GNA11: variants seen among roughly 807,000 people sequenced by gnomAD.
GNA11 encodes the protein G protein subunit alpha 11, also known as guanine nucleotide-binding protein subunit alpha-11.
GNA11 carries 8 observed loss-of-function variants against 38.2 expected under a neutral mutation model. The ratio of observed to expected loss-of-function variants is 0.21; its 90% confidence interval spans 0.12 to 0.38. GNA11 has a LOEUF of 0.38. GNA11 is among the 10% of genes least tolerant of loss of function. The pLI is 1.00. For missense variants in GNA11, 268 were observed against 516.3 expected (o/e 0.52, Z 4.66); for synonymous variants, 211 against 221.4 (o/e 0.95, Z 0.42).
At position 3,094,899 on chromosome 19, in the gene GNA11, G is replaced by C; in HGVS notation, c.136+112G>C. On this transcript the variant is annotated intron_variant, in intron 1 of 6. Coordinates refer to ENST00000078429, the MANE Select transcript of GNA11 (RefSeq NM_002067.5). The surrounding 1 kb of genome is among the most constrained non-coding windows in gnomAD (Gnocchi z 6.0). ...GGGTCAGCCCTGCCTGTGCCGTCCGGGTCGCGAGACCCTCCGGGGTCAGCC... is the reference window on the plus strand; with the variant it reads ...GGGTCAGCCCTGCCTGTGCCGTCCGCGTCGCGAGACCCTCCGGGGTCAGCC... The C allele has an allele frequency of 2.7e-6, 2 of 747,840 alleles. No homozygotes were observed. Among genetic ancestry groups the C allele is most frequent in the Non-Finnish European group, 3.9e-6 (2 of 518,408 alleles). The allele number at this position is 747,840 out of a possible 1,614,324, so 46.3% of individuals were successfully genotyped here.
Position 3,094,822 on chromosome 19 carries a change from C to G in GNA11, c.136+35C>G, listed in dbSNP as rs771109003. 2.7e-6 allele frequency: 4 copies of G among 1,469,124 alleles called. No individual in the cohort carries two copies. Among genetic ancestry groups the G allele is most frequent in the Admixed American group, 2.2e-5 (1 of 46,138 alleles). 91.0% of individuals were successfully genotyped at this position (1,469,124 alleles called of 1,614,324 possible). On this transcript the variant is annotated intron_variant, in intron 1 of 6. Transcript: ENST00000078429. The surrounding 1 kb of genome is among the most constrained non-coding windows in gnomAD (Gnocchi z 6.0). Reference sequence around the variant, plus strand: ...GCCCCCGGGCCTGCCGGCTGCGGGCCCTGCCCTGCCTGTGCCTGCCCTGCC... The same window carrying G: ...GCCCCCGGGCCTGCCGGCTGCGGGCGCTGCCCTGCCTGTGCCTGCCCTGCC...
chr19:3,118,058 AC>A (rs1278479487), intron 4 of GNA11: 1 of 152,012 alleles, frequency 6.6e-6, no homozygotes, highest in Non-Finnish European at 1.5e-5. Flanking sequence ...TCTGTCATCC[AC>A]CGGTGCCTGC....
intron 1 of GNA11, among the ~76,000 whole-genome samples, chr19:3,098,630 A>G (rs1913429983): frequency 1.3e-5 from 2 of 152,206 alleles, no homozygotes; most frequent in Admixed American, 1.3e-4. Context: ...GGCCTGCGCC[A>G]GCCCCCACGG....
chr19:3,113,551 G>A (rs1007272000), intron 3 of GNA11, 67 bp downstream of exon 3: 1 of 1,283,714 alleles, frequency 7.8e-7, no homozygotes, highest in South Asian at 1.5e-5. Context: ...GGACCCTTCG[G>A]GAAGGCCTCC....
Position 3,110,424 on chromosome 19 carries a change from G to A in GNA11, c.321+91G>A, listed in dbSNP as rs147309216. ...GGCCGCGCTGCCAGGGTGGGGCCAT[G>A]CCGGGGGTCCCGGCCGGCCCAGGCT... is the stretch of plus-strand genomic sequence containing the variant. On this transcript the variant is annotated intron_variant, in intron 2 of 6. Transcript: ENST00000078429. The surrounding 1 kb of genome is among the most constrained non-coding windows in gnomAD (Gnocchi z 5.4). 8,641 of 1,082,706 alleles carry A rather than the reference G, an allele frequency of 8.0e-3. 85 individuals are homozygous for A. The highest frequency in any genetic ancestry group is 0.016 in the South Asian group (1,094 of 69,132). 67.1% of individuals were successfully genotyped at this position (1,082,706 alleles called of 1,614,324 possible).
At position 3,114,976 on chromosome 19, in the gene GNA11, T is replaced by C; in HGVS notation, c.509T>C (p.Leu170Ser). Reference sequence around the variant, plus strand: ...ACCGACGTTGACCGCATCGCCACCTTGGGCTACCTGCCCACCCAGCAGGAC... The same window carrying C: ...ACCGACGTTGACCGCATCGCCACCTCGGGCTACCTGCCCACCCAGCAGGAC... ...YLTDVDRIAT[L>S]GYLPTQQDVL... The change falls in exon 4 of 7, where the codon TTG becomes TCG. Residue 170 changes from leucine to serine, a missense_variant. This residue lies in a region of GNA11 where 151 missense variants were observed against 254.0 expected (regional missense o/e 0.59). Coordinates refer to ENST00000078429, the MANE Select transcript of GNA11 (RefSeq NM_002067.5). 6.2e-7 allele frequency: 1 copy of C among 1,612,914 alleles called. No homozygotes were observed. Among genetic ancestry groups the C allele is most frequent in the Non-Finnish European group, 8.5e-7 (1 of 1,179,732 alleles).
rs564439595 is a variant in GNA11 at position 3,121,278 on chromosome 19, G to A, written c.*99G>A. 6.8e-5 allele frequency: 57 copies of A among 833,404 alleles called. No individual in the cohort carries two copies. Among genetic ancestry groups the A allele is most frequent in the African/African-American group, 6.6e-4 (38 of 57,964 alleles). 51.6% of individuals were successfully genotyped at this position (833,404 alleles called of 1,614,324 possible). A position where few individuals can be genotyped will look rare whatever the true frequency, so the allele number is the denominator to read the frequency against. On this transcript the variant is annotated 3_prime_UTR_variant, in exon 7 of 7. Transcript: ENST00000078429. ...CGGGTGGCGCTGCCGAGTCCGGGCC[G>A]GGGCCTCTGCCCGCGGGAGGAGATT...
Position 3,113,357 on chromosome 19 carries a change from G to T in GNA11, c.349G>T (p.Asp117Tyr), listed in dbSNP as rs1368778199. 6.2e-7 allele frequency: 1 copy of T among 1,613,360 alleles called. No individual in the cohort carries two copies. Among genetic ancestry groups the T allele is most frequent in the Non-Finnish European group, 8.5e-7 (1 of 1,179,956 alleles). ...CAATGCGCTCCTGATCCGGGAGGTG[G>T]ACGTGGAGAAGGTGACCACCTTCGA... ...KANALLIREV[D>Y]VEKVTTFEHQ... Residue 117 changes from aspartate (D) to tyrosine (Y), a missense_variant, in exon 3 of 7, where the codon GAC becomes TAC. Physicochemically the swap from Asp to Tyr is radical, Grantham distance 160. This residue lies in a region of GNA11 where 151 missense variants were observed against 254.0 expected (regional missense o/e 0.59). Coordinates refer to ENST00000078429, the MANE Select transcript of GNA11 (RefSeq NM_002067.5).
chr19:3,111,565 CT>C (rs140969567), intron 2 of GNA11, among the ~76,000 whole-genome samples: 2,953 of 152,360 alleles, frequency 0.019, 85 homozygotes, highest in African/African-American at 0.054. Flanking sequence ...CATTTATCCC[CT>C]GGAGGACATT....
intron 3 of GNA11, among the ~76,000 whole-genome samples, chr19:3,113,770 G>A (rs1224057007): frequency 6.6e-6 from 1 of 152,176 alleles, no homozygotes; most frequent in African/African-American, 2.4e-5. Flanking sequence ...GGCCACCCTC[G>A]GTGCTGGAGC....
At chr19:3,113,105 C>T (rs969849607) in intron 2 of GNA11, among the ~76,000 whole-genome samples, 3 of 152,270 alleles carry the variant, frequency 2.0e-5, no homozygotes, top group Non-Finnish European at 2.9e-5. Flanking sequence ...CAGACCGCAC[C>T]GCCGGGAGGC....
intron 1 of GNA11, among the ~76,000 whole-genome samples, chr19:3,102,749 C>T (rs750407791): frequency 1.1e-4 from 16 of 152,300 alleles, no homozygotes; most frequent in South Asian, 4.1e-4. Context: ...GTCCGTCCTC[C>T]GCTGCAGGAG....
intron 1 of GNA11, among the ~76,000 whole-genome samples, chr19:3,099,257 G>A (rs1031159989): frequency 1.3e-5 from 2 of 152,118 alleles, no homozygotes; most frequent in African/African-American, 2.4e-5. Context: ...GGGACCCAGC[G>A]CCCCTTCTGG....
intron 2 of GNA11, among the ~76,000 whole-genome samples, chr19:3,111,149 T>G (rs1025034814): frequency 2.3e-5 from 3 of 128,494 alleles, no homozygotes; most frequent in Non-Finnish European, 4.4e-5. Flanking sequence ...TTTGATGCCC[T>G]GTTTTTAAAT....
rs1213445419 is a variant in GNA11 at position 3,110,841 on chromosome 19, C to T, written c.321+508C>T. On this transcript the variant is annotated intron_variant, in intron 2 of 6. Coordinates refer to ENST00000078429, the MANE Select transcript of GNA11 (RefSeq NM_002067.5). The surrounding 1 kb of genome is among the most constrained non-coding windows in gnomAD (Gnocchi z 5.4). ...GAAAACAGGGTCTCGCTCTGTCGCC[C>T]AGGCTGGAGTGCAGTGGAATGGTCA... Among the ~76,000 whole-genome samples, 1 of 152,120 alleles carries T rather than the reference C, an allele frequency of 6.6e-6. No homozygotes were observed. Among genetic ancestry groups the T allele is most frequent in the African/African-American group, 2.4e-5 (1 of 41,416 alleles).
At position 3,123,855 on chromosome 19, in the gene GNA11, G is replaced by A. The variant is rs531290641; in HGVS notation, c.*2676G>A. 5 of 232,608 alleles carry A rather than the reference G, an allele frequency of 2.1e-5. No individual in the cohort carries two copies. Among genetic ancestry groups the A allele is most frequent in the African/African-American group, 1.1e-4 (5 of 45,430 alleles). The allele number at this position is 232,608 out of a possible 1,614,324, so 14.4% of individuals were successfully genotyped here. ...GCATGTGTTGTGCGCGTTGGGGATG[G>A]GAGGAGGGGCTGAGGAGCGGCTCAG... is the stretch of plus-strand genomic sequence containing the variant. On this transcript the variant is annotated 3_prime_UTR_variant, in exon 7 of 7. Coordinates refer to ENST00000078429, the MANE Select transcript of GNA11 (RefSeq NM_002067.5).
rs1914123293 is a variant in GNA11, at chr19:3,122,981, C to G, written c.*1802C>G. The G allele has an allele frequency of 4.3e-6, 1 of 233,264 alleles. No individual in the cohort carries two copies. Among genetic ancestry groups the G allele is most frequent in the Non-Finnish European group, 8.5e-6 (1 of 118,158 alleles). 14.4% of individuals were successfully genotyped at this position (233,264 alleles called of 1,614,324 possible). Reference sequence around the variant, plus strand: ...GCTTCCCCACACCACTTCTGTCTCACCCGGAAGCGTCCTTTTTTTGTGCCA... The same window carrying G: ...GCTTCCCCACACCACTTCTGTCTCAGCCGGAAGCGTCCTTTTTTTGTGCCA... On this transcript the variant is annotated 3_prime_UTR_variant, in exon 7 of 7. Transcript: ENST00000078429. This position sits in a 1 kb window ranked among gnomAD's most constrained non-coding sequence, Gnocchi z 7.7.
At position 3,109,622 on chromosome 19, in the gene GNA11, G is replaced by A. The variant is rs566046298; in HGVS notation, c.137-527G>A. Among the ~76,000 whole-genome samples, 261 of 152,306 alleles carry A rather than the reference G, an allele frequency of 1.7e-3. 2 individuals are homozygous for A. In the South Asian group the frequency reaches 0.019, roughly 11 times the overall value. ...GCCTCGTGGGTGCTTGGTGCGCAGG[G>A]GGCAGTGTGGCCGTGGCCGCTGAGC... On this transcript the variant is annotated intron_variant, in intron 1 of 6. Coordinates refer to ENST00000078429, the MANE Select transcript of GNA11 (RefSeq NM_002067.5).
chr19:3,115,269 G>T (rs1271831151), intron 4 of GNA11, 197 bp downstream of exon 4: 5 of 547,220 alleles, frequency 9.1e-6, no homozygotes, highest in Non-Finnish European at 1.6e-5. Flanking sequence ...GCTGGGCGTG[G>T]TTGTGTGCAC....
Sources: allele counts gnomAD v4.1 joint callset (sites outside exome capture counted in the v4.1 genomes callset), GRCh38; gene constraint gnomAD v4.1.1; regional missense constraint gnomAD v4.1.1; non-coding constraint Gnocchi (gnomAD v3.1); transcripts MANE v1.5; gene names NCBI Gene and HGNC (gene_info 2026-07-23, HGNC 2026-07-21).